GNL3L: variants seen among roughly 807,000 people sequenced by gnomAD.
The protein encoded by GNL3L is guanine nucleotide-binding protein-like 3-like protein.
In GNL3L, 4 loss-of-function variants were observed where a neutral mutation model predicts 42.9. That is an observed-to-expected ratio of 0.09 (90% CI 0.05 to 0.21). The LOEUF is 0.21. Ranked by LOEUF, GNL3L falls within the 10% of genes least tolerant of loss-of-function variation. The pLI, the probability that GNL3L is intolerant of heterozygous loss-of-function variation, is 1.00. For synonymous variants in GNL3L, 159 were observed against 176.3 expected, an observed-to-expected ratio of 0.90 and a Z score of 0.78; for missense variants, 412 against 481.7, an observed-to-expected ratio of 0.86 and a Z score of 1.36.
In GNL3L at chrX:54,566,728, C is replaced by T. The variant is rs1305274271; in HGVS notation, c.*6126C>T. Reference sequence around the variant, plus strand: ...CCACTGATGGACATGTGCATTGTTCCCACCTTTTGGCTATTGTGAAAAATG... The same window carrying T: ...CCACTGATGGACATGTGCATTGTTCTCACCTTTTGGCTATTGTGAAAAATG... On this transcript the variant is annotated 3_prime_UTR_variant, in exon 16 of 16. Transcript: ENST00000360845. 8.9e-6 allele frequency among the ~76,000 whole-genome samples: 1 copy of T among 111,781 alleles called. No individual in the cohort carries two copies. Among genetic ancestry groups the T allele is most frequent in the African/African-American group, 3.3e-5 (1 of 30,748 alleles).
chrX:54,598,059 G>A (rs774760691), intron 16 of GNL3L, among the ~76,000 whole-genome samples: 2 of 111,663 alleles, frequency 1.8e-5, no homozygotes, highest in Admixed American at 9.5e-5. Flanking sequence ...TCTGTTGTGT[G>A]TAGTTAGTTG....
chrX:54,551,858 G>T lies in GNL3L; in HGVS notation c.1065G>T (p.Gly355=), dbSNP rs772684790. 1.7e-6 allele frequency: 2 copies of T among 1,210,112 alleles called. No individual in the cohort carries two copies. Among genetic ancestry groups the T allele is most frequent in the Non-Finnish European group, 2.2e-6 (2 of 894,774 alleles). ...TTTCCAACTATTATGGCGTCTCTGG[G>T]TTCCAGACCACTGAGCACTTTCTGA... ...EEISNYYGVS[G]FQTTEHFLTA... The change falls in exon 12 of 16, where the codon GGG becomes GGT. Residue 355 remains glycine, a synonymous_variant. Transcript: ENST00000360845.
At chrX:54,545,659 G>T (rs1475178195) in intron 8 of GNL3L, among the ~76,000 whole-genome samples, 3 of 111,472 alleles carry the variant, frequency 2.7e-5, no homozygotes, top group Admixed American at 9.6e-5. Flanking sequence ...AGAAAAATTG[G>T]ATACTAAGGG....
the GNL3L span, among the ~76,000 whole-genome samples, chrX:54,644,868 C>T: frequency 6.3e-5 from 7 of 111,575 alleles, no homozygotes; most frequent in Non-Finnish European, 1.1e-4. Flanking sequence ...AAATCATTGT[C>T]TTTTATAATA....
intron 16 of GNL3L, among the ~76,000 whole-genome samples, chrX:54,607,060 CTTT>C (rs1926088225): frequency 2.7e-5 from 1 of 37,535 alleles, no homozygotes; most frequent in Non-Finnish European, 5.0e-5. Context: ...TTCTTTCTTT[CTTT>C]CTTTCTTTCT....
At chrX:54,645,759 C>T in the GNL3L span, among the ~76,000 whole-genome samples, 7 of 111,722 alleles carry the variant, frequency 6.3e-5, no homozygotes, top group Non-Finnish European at 1.3e-4. Context: ...TGCCAGCCAT[C>T]CATCCCTTCC....
At chrX:54,540,394 T>C (rs1924575125) in intron 4 of GNL3L, 152 bp downstream of exon 4, 1 of 467,558 alleles carries the variant, frequency 2.1e-6, no homozygotes, top group Non-Finnish European at 3.9e-6. Context: ...TGATACTGGA[T>C]TTATGTCTGC....
At chrX:54,641,825 A>G in the GNL3L span, among the ~76,000 whole-genome samples, 1 of 111,757 alleles carries the variant, frequency 8.9e-6, no homozygotes, top group Admixed American at 9.5e-5. Context: ...GATGCTGGGT[A>G]GGTGGGTGCA....
At chrX:54,641,369 G>A in the GNL3L span, among the ~76,000 whole-genome samples, 2 of 111,430 alleles carry the variant, frequency 1.8e-5, no homozygotes, top group African/African-American at 6.5e-5. Context: ...TGCAGTAGGG[G>A]TCCTGATCTG....
At chrX:54,632,415 G>GTT in the GNL3L span, among the ~76,000 whole-genome samples, 30 of 103,746 alleles carry the variant, frequency 2.9e-4, no homozygotes, top group East Asian at 1.2e-3. Flanking sequence ...ATTATTCTTA[G>GTT]TTTTTTTTTT....
Position 54,564,795 on chromosome X carries a change from G to A in GNL3L, c.*4193G>A, listed in dbSNP as rs12382798. ...TTCACTGAGGCTGGAGTGCAGTGGC[G>A]TGATCTTGGCTCACTGCAACCTCCA... is the stretch of plus-strand genomic sequence containing the variant. On this transcript the variant is annotated 3_prime_UTR_variant, in exon 16 of 16. Transcript: ENST00000360845. Among the ~76,000 whole-genome samples the A allele has an allele frequency of 0.084, 8,048 of 95,325 alleles. 549 individuals carry two copies. The highest frequency in any genetic ancestry group is 0.45 in the East Asian group (1,281 of 2,877). 82.8% of individuals were successfully genotyped at this position (95,325 alleles called of 115,157 possible).
chrX:54,614,507 CT>C (rs1330282310), intron 16 of GNL3L, among the ~76,000 whole-genome samples: 1 of 111,290 alleles, frequency 9.0e-6, no homozygotes, highest in African/African-American at 3.3e-5. Context: ...GCTTTACCCC[CT>C]GCTCCTCTGG....
chrX:54,641,672 C>G, the GNL3L span, among the ~76,000 whole-genome samples: 1 of 112,026 alleles, frequency 8.9e-6, no homozygotes, highest in Non-Finnish European at 1.9e-5. Context: ...CAAGGCCAGC[C>G]CACAACCTGT....
intron 2 of GNL3L, among the ~76,000 whole-genome samples, chrX:54,537,601 T>G (rs1291623095): frequency 9.0e-6 from 1 of 111,218 alleles, no homozygotes; most frequent in Non-Finnish European, 1.9e-5. Flanking sequence ...TAGTGATGTC[T>G]TTTTTGTTTT....
At chrX:54,619,376 A>G (rs895839700) in intron 16 of GNL3L, among the ~76,000 whole-genome samples, 22 of 111,640 alleles carry the variant, frequency 2.0e-4, no homozygotes, top group South Asian at 7.4e-4. Flanking sequence ...AAAGTTTCAC[A>G]ATAGTGTATT....
the GNL3L span, among the ~76,000 whole-genome samples, chrX:54,635,655 G>T: frequency 1.8e-5 from 2 of 108,359 alleles, no homozygotes; most frequent in African/African-American, 6.7e-5. Flanking sequence ...GTTTTTTTGT[G>T]TGTGTAGTCA....
the GNL3L span, among the ~76,000 whole-genome samples, chrX:54,626,832 G>C: frequency 9.0e-6 from 1 of 111,153 alleles, no homozygotes; most frequent in Non-Finnish European, 1.9e-5. Context: ...TATCTATTTA[G>C]TTCTTTTGCC....
At position 54,607,074 on chromosome X, in the gene GNL3L, CT is replaced by C. The variant is rs1392383599; in HGVS notation, c.*46-13768del. 5.0e-4 allele frequency among the ~76,000 whole-genome samples: 11 copies of C among 22,215 alleles called. 1 individual carries two copies. Among genetic ancestry groups the C allele is most frequent in the African/African-American group, 3.8e-3 (11 of 2,922 alleles). 19.3% of individuals were successfully genotyped at this position (22,215 alleles called of 115,157 possible). On this transcript the variant is annotated intron_variant, in intron 16 of 16. Transcript: ENST00000674498. ...TTTCTTTCTTTCTTTCTTTCTTTCT[CT>C]TTCTTTCTTCTTTCTTTCTTTCTTT...
chrX:54,635,736 A>G, the GNL3L span, among the ~76,000 whole-genome samples: 1 of 103,218 alleles, frequency 9.7e-6, no homozygotes, highest in South Asian at 4.1e-4. Flanking sequence ...TCAGGAACTA[A>G]AAAAAAAAAA....
Sources: gnomAD v4.1 joint callset for allele counts (sites outside exome capture counted in the v4.1 genomes callset) on GRCh38, gnomAD v4.1.1 for gene constraint, MANE v1.5 for transcripts, NCBI Gene and HGNC (gene_info 2026-07-23, HGNC 2026-07-21) for gene names.